The following PLXNA4 variants were observed in gnomAD, a reference collection of about 807,000 sequenced individuals.
PLXNA4 encodes the protein plexin A4, also known as plexin-A4.
In PLXNA4, 44 loss-of-function variants were observed where a neutral mutation model predicts 191.8. The ratio of observed to expected loss-of-function variants is 0.23; its 90% CI spans 0.18 to 0.29. The LOEUF (loss-of-function observed/expected upper bound fraction) is 0.29. Ranked by LOEUF, PLXNA4 falls within the 10% of genes least tolerant of loss-of-function variation. PLXNA4 has a pLI of 1.00. For synonymous variants in PLXNA4, 1,082 were observed against 1,009.5 expected (o/e 1.07, Z -1.36); for missense variants, 1,800 against 2,488.8 (o/e 0.72, Z 5.89).
chr7:132,639,531 C>T (rs770534540), intron 2 of PLXNA4, among the ~76,000 whole-genome samples: 3 of 152,132 alleles, frequency 2.0e-5, no homozygotes, highest in East Asian at 1.9e-4. Flanking sequence ...AAGAACCATG[C>T]GCCCCCACAA....
At chr7:132,296,668 C>A (rs1318413269) in intron 4 of PLXNA4, among the ~76,000 whole-genome samples, 5 of 152,132 alleles carry the variant, frequency 3.3e-5, no homozygotes, top group Admixed American at 6.5e-5. Context: ...CTTGAATATT[C>A]AATGCCTTGT....
intron 5 of PLXNA4, among the ~76,000 whole-genome samples, chr7:132,234,112 A>G (rs1007370308): frequency 6.6e-4 from 100 of 152,120 alleles, no homozygotes; most frequent in African/African-American, 2.2e-3. Context: ...ACGGCAGGAG[A>G]AGGGAAAAAG....
chr7:132,179,036 A>G (rs1271199824), intron 20 of PLXNA4, among the ~76,000 whole-genome samples: 1 of 79,710 alleles, frequency 1.3e-5, no homozygotes, highest in Non-Finnish European at 2.4e-5. Context: ...GCGCGCGCAC[A>G]CACACACACA....
rs1420207213 is a variant in PLXNA4 at position 132,129,002 on chromosome 7, T to C, written c.*1477A>G. 3 of 152,370 alleles carry C rather than the reference T, an allele frequency of 2.0e-5. No individual in the cohort carries two copies. The highest frequency in any genetic ancestry group is 4.1e-4 in the South Asian group (2 of 4,822). The allele number at this position is 152,370 out of a possible 1,614,324, so 9.4% of individuals were successfully genotyped here. A position where few individuals can be genotyped will look rare whatever the true frequency, so the allele number is the denominator to read the frequency against. On this transcript the variant is annotated 3_prime_UTR_variant, in exon 32 of 32. Coordinates refer to ENST00000321063, the MANE Select transcript of PLXNA4 (RefSeq NM_020911.2). ...CTCCCCATAGCCTCTGCTTACCTAG[T>C]ATCAATTTCTAGGCACACATTTGCC...
rs1470614345 is a variant in PLXNA4 at position 132,407,662 on chromosome 7, A to G, written c.1371+81630T>C. On this transcript the variant is annotated intron_variant, in intron 3 of 31. Coordinates refer to ENST00000321063, the MANE Select transcript of PLXNA4 (RefSeq NM_020911.2). ...ATCTCTCCTGGTGTGGAGGGTGGGC[A>G]TCAGTTTGAGGGGCTTGTCCTAGTC... 3.3e-5 allele frequency among the ~76,000 whole-genome samples: 5 copies of G among 152,162 alleles called. No individual in the cohort carries two copies. The South Asian group carries it at 1.0e-3, about 31-fold the overall frequency.
At chr7:132,131,172 GC>G (rs1368446797) in intron 31 of PLXNA4, among the ~76,000 whole-genome samples, 4 of 152,202 alleles carry the variant, frequency 2.6e-5, no homozygotes, top group African/African-American at 9.7e-5. Context: ...GTCTACCAAA[GC>G]CTTTTCTGAA....
At chr7:132,155,373 A>C (rs894985145) in intron 25 of PLXNA4, among the ~76,000 whole-genome samples, 2 of 152,148 alleles carry the variant, frequency 1.3e-5, no homozygotes, top group Non-Finnish European at 2.9e-5. Flanking sequence ...TCCCTTGAGG[A>C]GTGAAGGGAG....
intron 31 of PLXNA4, among the ~76,000 whole-genome samples, chr7:132,132,468 C>CTGTTCTGT (rs1563048357): frequency 0.013 from 569 of 44,388 alleles, 38 homozygotes; most frequent in African/African-American, 0.024. Flanking sequence ...TTCTGTTCTG[C>CTGTTCTGT]TCTGCTCTGC....
chr7:132,501,507 G>T (rs1318480134), intron 2 of PLXNA4, among the ~76,000 whole-genome samples: 2 of 152,096 alleles, frequency 1.3e-5, no homozygotes, highest in African/African-American at 4.8e-5. Context: ...GGCCTCCAGG[G>T]TGGGCATCCT....
rs1176464218 is a variant in PLXNA4, at chr7:132,128,309, T to TGTTTCCCATTTTCCTCTTCCCATTA, written c.*2145_*2169dup. On this transcript the variant is annotated 3_prime_UTR_variant, in exon 32 of 32. Transcript: ENST00000321063. Reference sequence around the variant, plus strand: ...TTTTTTTCTTCCTCTTCCAATGCATTGTTTCCCATTTTCCTCTTCCCATTA... The same window carrying TGTTTCCCATTTTCCTCTTCCCATTA: ...TTTTTTTCTTCCTCTTCCAATGCATTGTTTCCCATTTTCCTCTTCCCATTAGTTTCCCATTTTCCTCTTCCCATTA... The TGTTTCCCATTTTCCTCTTCCCATTA allele has an allele frequency of 3.3e-5, 5 of 152,256 alleles. No homozygotes were observed. The highest frequency in any genetic ancestry group is 1.3e-4 in the Admixed American group (2 of 15,280). 9.4% of individuals were successfully genotyped at this position (152,256 alleles called of 1,614,324 possible).
chr7:132,599,919 TTCA>T (rs1229734434), intron 2 of PLXNA4, among the ~76,000 whole-genome samples: 2 of 152,220 alleles, frequency 1.3e-5, no homozygotes, highest in East Asian at 3.8e-4. Context: ...CATGTATTTC[TTCA>T]TCAATTGAGA....
chr7:132,143,264 GTGTCCTCAGGGTTGGGGGAAAC>G (rs1368269877), intron 29 of PLXNA4, among the ~76,000 whole-genome samples: 2 of 152,138 alleles, frequency 1.3e-5, no homozygotes, highest in Admixed American at 6.5e-5. Context: ...TTGGGGGAAA[GTGTCCTCAGGGTTGGGGGAAAC>G]TGTCTACTTT....
chr7:132,535,955 A>T (rs935682439), intron 1 of PLXNA4, among the ~76,000 whole-genome samples: 1 of 152,186 alleles, frequency 6.6e-6, no homozygotes, highest in Non-Finnish European at 1.5e-5. Context: ...ATCATTTTAA[A>T]GGCTGCAGCC....
chr7:132,431,233 C>A (rs1180189204), intron 3 of PLXNA4, among the ~76,000 whole-genome samples: 2 of 152,118 alleles, frequency 1.3e-5, no homozygotes, highest in South Asian at 2.1e-4. Flanking sequence ...TGTCCATTGG[C>A]CAGGAGTCCC....
intron 3 of PLXNA4, among the ~76,000 whole-genome samples, chr7:132,304,097 C>T (rs1335321284): frequency 3.9e-5 from 6 of 152,132 alleles, no homozygotes; most frequent in East Asian, 1.9e-4. Flanking sequence ...GAAGGCTGAT[C>T]TGAAGTAGCA....
intron 1 of PLXNA4, among the ~76,000 whole-genome samples, chr7:132,539,054 C>T (rs1446899359): frequency 1.3e-5 from 2 of 152,224 alleles, no homozygotes; most frequent in African/African-American, 4.8e-5. Context: ...CCTGTGACTG[C>T]TGCCACCCTC....
At chr7:132,321,152 C>T (rs1179346166) in intron 3 of PLXNA4, among the ~76,000 whole-genome samples, 1 of 152,176 alleles carries the variant, frequency 6.6e-6, no homozygotes, top group East Asian at 1.9e-4. Flanking sequence ...CCGCCACCCC[C>T]TCGCGCTTAC....
intron 21 of PLXNA4, among the ~76,000 whole-genome samples, chr7:132,172,805 C>G (rs944322912): frequency 1.4e-5 from 2 of 147,618 alleles, no homozygotes; most frequent in Admixed American, 1.3e-4. Context: ...TAAAGGAAAC[C>G]TACTTAGATT....
chr7:132,304,783 A>G (rs1410276343), intron 3 of PLXNA4, among the ~76,000 whole-genome samples: 1 of 151,572 alleles, frequency 6.6e-6, no homozygotes, highest in Non-Finnish European at 1.5e-5. Context: ...CCCAACCCCA[A>G]CCGGCCCTCC....
Sources: allele counts gnomAD v4.1 joint callset (sites outside exome capture counted in the v4.1 genomes callset), GRCh38; gene constraint gnomAD v4.1.1; transcripts MANE v1.5; gene names NCBI Gene and HGNC (gene_info 2026-07-23, HGNC 2026-07-21).